DPP10: variants seen among roughly 807,000 people sequenced by gnomAD.
The protein encoded by DPP10 is dipeptidyl peptidase like 10, also known as inactive dipeptidyl peptidase 10.
Under a neutral mutation model 120.9 loss-of-function variants are expected in DPP10, and 33 were observed. The ratio of observed to expected loss-of-function variants is 0.27; its 90% CI spans 0.21 to 0.37. DPP10 has a LOEUF of 0.37. Among genes scored for constraint, DPP10 ranks in the 10% least tolerant of loss-of-function variants. DPP10 has a pLI of 1.00. For missense variants in DPP10, 816 were observed against 942.8 expected (o/e 0.87, Z 1.76); for synonymous variants, 337 against 326.1 (o/e 1.03, Z -0.36).
At chr2:115,093,747 A>AT (rs1709481512) in intron 1 of DPP10, among the ~76,000 whole-genome samples, 1 of 152,090 alleles carries the variant, frequency 6.6e-6, no homozygotes, top group Non-Finnish European at 1.5e-5. Flanking sequence ...CATAAACTTT[A>AT]AGAAAATAAA....
chr2:115,006,573 C>G (rs913441273), intron 1 of DPP10, among the ~76,000 whole-genome samples: 7 of 146,792 alleles, frequency 4.8e-5, no homozygotes, highest in African/African-American at 1.7e-4. Context: ...CAATCCTAGT[C>G]TCTGATAAAA....
At chr2:114,952,118 CATATT>C (rs1697836969) in intron 1 of DPP10, among the ~76,000 whole-genome samples, 1 of 151,772 alleles carries the variant, frequency 6.6e-6, no homozygotes, top group South Asian at 2.1e-4. Flanking sequence ...ATTAAAATCT[CATATT>C]AAAATCTCAG....
intron 1 of DPP10, among the ~76,000 whole-genome samples, chr2:114,691,579 T>C (rs61520058): frequency 0.017 from 2,559 of 152,252 alleles, 95 homozygotes; most frequent in African/African-American, 0.059. Context: ...GCTGACCTCA[T>C]AGAATGAGTT....
chr2:115,123,146 T>C (rs2049908289), intron 1 of DPP10, among the ~76,000 whole-genome samples: 1 of 152,116 alleles, frequency 6.6e-6, no homozygotes, highest in Admixed American at 6.5e-5. Flanking sequence ...GGAAAGAATT[T>C]AGCCAAGGGG....
At chr2:115,466,126 G>GTATTCTACTCTATAATTT (rs1265052401) in intron 3 of DPP10, among the ~76,000 whole-genome samples, 2 of 152,106 alleles carry the variant, frequency 1.3e-5, no homozygotes, top group African/African-American at 4.8e-5. Flanking sequence ...TAACTGAATT[G>GTATTCTACTCTATAATTT]TATTCTACTC....
intron 2 of DPP10, among the ~76,000 whole-genome samples, chr2:115,337,638 A>G (rs936409567): frequency 6.8e-6 from 1 of 146,294 alleles, no homozygotes; most frequent in Non-Finnish European, 1.5e-5. Flanking sequence ...AAGGATTACA[A>G]TGAGACAGGG....
intron 5 of DPP10, among the ~76,000 whole-genome samples, chr2:115,560,205 C>T (rs1427599379): frequency 6.7e-5 from 10 of 148,576 alleles, no homozygotes; most frequent in African/African-American, 2.0e-4. Context: ...CCCGTCTCTA[C>T]TAATAATACA....
At chr2:114,458,338 G>C (rs1357930005) in intron 1 of DPP10, among the ~76,000 whole-genome samples, 1 of 152,088 alleles carries the variant, frequency 6.6e-6, no homozygotes, top group Non-Finnish European at 1.5e-5. Context: ...ATCATCTCAG[G>C]GTGGGAGAAT....
chr2:115,360,057 G>A (rs890409564), intron 3 of DPP10, among the ~76,000 whole-genome samples: 6 of 151,962 alleles, frequency 3.9e-5, no homozygotes, highest in African/African-American at 1.2e-4. Flanking sequence ...CTCTTGAATC[G>A]CATTGAGCTT....
At chr2:115,273,579 G>A (rs931607142) in intron 1 of DPP10, among the ~76,000 whole-genome samples, 5 of 152,134 alleles carry the variant, frequency 3.3e-5, no homozygotes, top group East Asian at 1.9e-4. Context: ...CTCGTGATCC[G>A]CCCGCCTCGG....
intron 1 of DPP10, among the ~76,000 whole-genome samples, chr2:115,105,389 G>C (rs2048896334): frequency 6.6e-6 from 1 of 150,700 alleles, no homozygotes; most frequent in Non-Finnish European, 1.5e-5. Context: ...ACACTCATAG[G>C]AAAGGAAAAA....
At chr2:115,469,901 A>G (rs58751750) in intron 3 of DPP10, among the ~76,000 whole-genome samples, 33,536 of 74,076 alleles carry the variant, frequency 0.45, 4,492 homozygotes, top group South Asian at 0.55. Context: ...AAAAAAAAAG[A>G]AAAAAAAAAA....
intron 19 of DPP10, among the ~76,000 whole-genome samples, chr2:115,809,322 C>A (rs1046551111): frequency 1.3e-4 from 20 of 152,220 alleles, no homozygotes; most frequent in African/African-American, 4.8e-4. Context: ...TATGCTGCAA[C>A]TAAATCATCA....
At chr2:114,561,249 T>G (rs1345967650) in intron 1 of DPP10, among the ~76,000 whole-genome samples, 1 of 152,220 alleles carries the variant, frequency 6.6e-6, no homozygotes, top group Non-Finnish European at 1.5e-5. Flanking sequence ...TCTCTTGCTA[T>G]CCATATGATA....
intron 1 of DPP10, among the ~76,000 whole-genome samples, chr2:115,276,543 A>G (rs1439057557): frequency 6.6e-6 from 1 of 152,212 alleles, no homozygotes. Context: ...GTCCAAGAGA[A>G]GACTGTCACA....
intron 5 of DPP10, among the ~76,000 whole-genome samples, chr2:115,544,225 T>G (rs1049415936): frequency 4.1e-4 from 63 of 152,060 alleles, no homozygotes; most frequent in African/African-American, 1.4e-3. Context: ...CAATAATCCT[T>G]GAGAAAGTGT....
At chr2:114,607,907 A>C (rs1280586688) in intron 1 of DPP10, among the ~76,000 whole-genome samples, 2 of 152,164 alleles carry the variant, frequency 1.3e-5, no homozygotes, top group Non-Finnish European at 2.9e-5. Flanking sequence ...TTCAAGGAAG[A>C]ATCTTGTCCA....
intron 5 of DPP10, among the ~76,000 whole-genome samples, chr2:115,666,812 G>A (rs192850160): frequency 1.3e-5 from 2 of 152,182 alleles, no homozygotes; most frequent in African/African-American, 4.8e-5. Flanking sequence ...GTTCTTTCAG[G>A]TTCTTTGAAA....
intron 17 of DPP10, among the ~76,000 whole-genome samples, chr2:115,786,949 G>A (rs894704282): frequency 6.6e-5 from 10 of 152,148 alleles, no homozygotes; most frequent in Non-Finnish European, 1.5e-4. Context: ...GGGCAATGCC[G>A]GAGCTCACAG....
Sources: gnomAD v4.1 joint callset for allele counts (sites outside exome capture counted in the v4.1 genomes callset) on GRCh38, gnomAD v4.1.1 for gene constraint, MANE v1.5 for transcripts, NCBI Gene and HGNC (gene_info 2026-07-23, HGNC 2026-07-21) for gene names.